The following RAD51B variants were observed in gnomAD, a reference collection of about 807,000 sequenced individuals.
RAD51B encodes RAD51 paralog B, also known as DNA repair protein RAD51 homolog 2.
RAD51B carries 38 observed loss-of-function variants against 42.2 expected under a neutral mutation model. The observed-to-expected ratio is 0.90, with a 90% CI of 0.70 to 1.18. The LOEUF is 1.18. Among genes scored for constraint, RAD51B ranks in the 50% most tolerant of loss-of-function variants. The pLI, the probability that RAD51B is intolerant of heterozygous loss-of-function variation, is 0.00. For missense variants in RAD51B, 373 were observed against 400.7 expected (o/e 0.93, Z 0.59); for synonymous variants, 154 against 145.2 (o/e 1.06, Z -0.43).
intron 7 of RAD51B, among the ~76,000 whole-genome samples, chr14:68,171,937 C>G (rs1423708210): frequency 6.6e-6 from 1 of 152,010 alleles, no homozygotes; most frequent in Non-Finnish European, 1.5e-5. Context: ...GAACTCCTGA[C>G]CTCAAGTGAT....
At chr14:68,047,270 T>C (rs192015591) in intron 7 of RAD51B, among the ~76,000 whole-genome samples, 1 of 152,108 alleles carries the variant, frequency 6.6e-6, no homozygotes, top group East Asian at 1.9e-4. Flanking sequence ...AGAAGAAAAG[T>C]GGTCTTGTTA....
At chr14:68,203,847 C>T (rs1167064169) in intron 7 of RAD51B, among the ~76,000 whole-genome samples, 1 of 152,176 alleles carries the variant, frequency 6.6e-6, no homozygotes, top group East Asian at 1.9e-4. Flanking sequence ...ATGAAGCAAC[C>T]CCTGCTAACT....
At chr14:68,304,169 CA>C (rs34488488) in intron 8 of RAD51B, among the ~76,000 whole-genome samples, 63 of 140,018 alleles carry the variant, frequency 4.5e-4, no homozygotes, top group Admixed American at 4.9e-4. Context: ...GACTCTGTCT[CA>C]AAAAAAAAAA....
At chr14:68,422,255 T>C (rs2084720868) in intron 9 of RAD51B, 4 of 795,892 alleles carry the variant, frequency 5.0e-6, no homozygotes, top group Admixed American at 1.8e-5. Context: ...AAATTCTTAA[T>C]AGCTTATAAA....
In RAD51B at chr14:68,411,414, T is replaced by G. The variant is rs777209516; in HGVS notation, c.854-10T>G. On this transcript the variant is annotated splice_polypyrimidine_tract_variant and intron_variant, in intron 8 of 10. Coordinates refer to ENST00000471583, the MANE Select transcript of RAD51B (RefSeq NM_133510.4). ...GCATCTGAAAGCGTGCTTTTACCATTTCATTTCAGGCACTTCTGGATCCAG... is the reference window on the plus strand; with the variant it reads ...GCATCTGAAAGCGTGCTTTTACCATGTCATTTCAGGCACTTCTGGATCCAG... 2.5e-6 allele frequency: 4 copies of G among 1,612,960 alleles called. No homozygotes were observed. In the South Asian group the frequency reaches 4.4e-5, roughly 18 times the overall value.
intron 7 of RAD51B, among the ~76,000 whole-genome samples, chr14:67,981,715 C>T (rs898052390): frequency 2.0e-5 from 3 of 152,008 alleles, no homozygotes; most frequent in African/African-American, 4.8e-5. Flanking sequence ...AAAAAGACTG[C>T]GTGCTGTTTG....
chr14:67,975,607 A>G (rs553320934), intron 7 of RAD51B, among the ~76,000 whole-genome samples: 1 of 152,368 alleles, frequency 6.6e-6, no homozygotes, highest in Admixed American at 6.5e-5. Context: ...CATTGCAGCC[A>G]CGTGCTGGAA....
chr14:68,402,376 T>A (rs2140054088), intron 8 of RAD51B, among the ~76,000 whole-genome samples: 1 of 152,264 alleles, frequency 6.6e-6, no homozygotes. Context: ...GATGGTCCAA[T>A]AAAGAACCAT....
intron 9 of RAD51B, among the ~76,000 whole-genome samples, chr14:68,413,075 G>A (rs1401132628): frequency 6.6e-6 from 1 of 152,058 alleles, no homozygotes; most frequent in Non-Finnish European, 1.5e-5. Context: ...TATTATATAT[G>A]GTATCATGGG....
At chr14:67,852,418 G>T (rs572230406) in intron 4 of RAD51B, among the ~76,000 whole-genome samples, 1 of 152,342 alleles carries the variant, frequency 6.6e-6, no homozygotes. Flanking sequence ...GAGCTTCCAA[G>T]AAGTCTTCCT....
intron 7 of RAD51B, among the ~76,000 whole-genome samples, chr14:68,131,623 T>G (rs1201837081): frequency 6.6e-6 from 1 of 152,030 alleles, no homozygotes; most frequent in African/African-American, 2.4e-5. Context: ...TTGAACCCAG[T>G]GGGCGGAGGT....
At chr14:68,470,791 G>A (rs940957925) in intron 10 of RAD51B, 8 of 420,958 alleles carry the variant, frequency 1.9e-5, no homozygotes, top group African/African-American at 8.0e-5. Flanking sequence ...TTTTTCTTAC[G>A]TGGATTGTTG....
intron 7 of RAD51B, among the ~76,000 whole-genome samples, chr14:67,967,910 C>T (rs1456962249): frequency 6.6e-6 from 1 of 152,216 alleles, no homozygotes; most frequent in Non-Finnish European, 1.5e-5. Flanking sequence ...TTCCCTTCCA[C>T]ACTGCCCTAG....
At chr14:68,126,152 A>G (rs963786711) in intron 7 of RAD51B, among the ~76,000 whole-genome samples, 1 of 152,184 alleles carries the variant, frequency 6.6e-6, no homozygotes, top group African/African-American at 2.4e-5. Flanking sequence ...TTTTATAGCT[A>G]TACCTTTTTT....
At chr14:68,229,255 G>A (rs932775601) in intron 7 of RAD51B, among the ~76,000 whole-genome samples, 1 of 152,134 alleles carries the variant, frequency 6.6e-6, no homozygotes, top group Non-Finnish European at 1.5e-5. Flanking sequence ...TCATCTCACT[G>A]GTCAAGCTAA....
At chr14:68,542,521 A>C (rs903065907) in intron 10 of RAD51B, among the ~76,000 whole-genome samples, 1 of 152,188 alleles carries the variant, frequency 6.6e-6, no homozygotes, top group Non-Finnish European at 1.5e-5. Flanking sequence ...TATGTCATTG[A>C]AAGCCCCAGG....
chr14:67,916,514 A>G (rs1595103075), intron 7 of RAD51B, among the ~76,000 whole-genome samples: 2 of 152,034 alleles, frequency 1.3e-5, no homozygotes, highest in South Asian at 2.1e-4. Flanking sequence ...AAGTGCTGGG[A>G]TTGCAGACGT....
At chr14:67,832,179 A>G (rs183897932) in intron 3 of RAD51B, among the ~76,000 whole-genome samples, 72 of 151,974 alleles carry the variant, frequency 4.7e-4, no homozygotes, top group Admixed American at 2.9e-3. Context: ...TCTTGCTATG[A>G]TGCCCAGGCT....
Position 68,086,524 on chromosome 14 carries a change from C to T in RAD51B, c.756+199320C>T, listed in dbSNP as rs145168656. 3.3e-3 allele frequency among the ~76,000 whole-genome samples: 499 copies of T among 152,242 alleles called. 2 individuals are homozygous for T. Among genetic ancestry groups the T allele is most frequent in the African/African-American group, 0.01 (435 of 41,544 alleles). ...GGGGTAGAGCCCTCGCCAGGGACCA[C>T]GCGCTCCCCTTCCCATCACTTCCCT... On this transcript the variant is annotated intron_variant, in intron 7 of 10. Transcript: ENST00000471583.
Sources: gnomAD v4.1 joint callset for allele counts (sites outside exome capture counted in the v4.1 genomes callset) on GRCh38, gnomAD v4.1.1 for gene constraint, MANE v1.5 for transcripts, NCBI Gene and HGNC (gene_info 2026-07-23, HGNC 2026-07-21) for gene names.